Variants in PLEKHG4B observed in about 807,000 individuals in gnomAD.
PLEKHG4B encodes the protein pleckstrin homology domain-containing family G member 4B.
PLEKHG4B carries 111 observed loss-of-function variants against 121.3 expected under a neutral mutation model. The ratio of observed to expected loss-of-function variants is 0.92; its 90% CI spans 0.78 to 1.07. PLEKHG4B has a LOEUF of 1.07. Among genes scored for constraint, PLEKHG4B ranks in the 50% least tolerant of loss-of-function variants. The pLI, the probability that PLEKHG4B is intolerant of heterozygous loss-of-function variation, is 0.00. For synonymous variants in PLEKHG4B, 738 were observed against 725.0 expected (o/e 1.02, Z -0.29); for missense variants, 1,831 against 1,757.8 (o/e 1.04, Z -0.74).
In PLEKHG4B at chr5:183,952, G is replaced by C. The variant is rs1733514012; in HGVS notation, c.*1629G>C. 1 of 151,560 alleles carries C rather than the reference G, an allele frequency of 6.6e-6. No individual in the cohort carries two copies. The highest frequency in any genetic ancestry group is 1.5e-5 in the Non-Finnish European group (1 of 67,976). 9.4% of individuals were successfully genotyped at this position (151,560 alleles called of 1,614,324 possible). A position where few individuals can be genotyped will look rare whatever the true frequency, so the allele number is the denominator to read the frequency against. ...AGAGAGACAGAACCAATAGGAGATA[G>C]CTAGATATATATACAGACAGATAGA... On this transcript the variant is annotated 3_prime_UTR_variant, in exon 20 of 20. Coordinates refer to ENST00000637938, the MANE Select transcript of PLEKHG4B (RefSeq NM_052909.5).
At chr5:133,941 C>CACACACACACATATAT (rs34900477) in intron 2 of PLEKHG4B, among the ~76,000 whole-genome samples, 2 of 146,288 alleles carry the variant, frequency 1.4e-5, no homozygotes, top group African/African-American at 5.1e-5. Flanking sequence ...CACACACACA[C>CACACACACACATATAT]ATATATATAT....
At chr5:115,615 C>A (rs555608280) in intron 2 of PLEKHG4B, among the ~76,000 whole-genome samples, 1 of 152,384 alleles carries the variant, frequency 6.6e-6, no homozygotes, top group Non-Finnish European at 1.5e-5. Context: ...CCACCTTCAT[C>A]AATGGTCTTA....
intron 18 of PLEKHG4B, among the ~76,000 whole-genome samples, chr5:177,704 G>A (rs1254241751): frequency 6.6e-6 from 1 of 152,224 alleles, no homozygotes; most frequent in East Asian, 1.9e-4. Context: ...GACCCAAGCG[G>A]GCACCGAGAT....
chr5:162,616 G>C, intron 12 of PLEKHG4B, 106 bp from the exon 13 acceptor site: 1 of 826,080 alleles, frequency 1.2e-6, no homozygotes, highest in Non-Finnish European at 1.7e-6. Flanking sequence ...CTGCTTTCTG[G>C]CCCCCTGGTC....
intron 13 of PLEKHG4B, among the ~76,000 whole-genome samples, chr5:164,563 A>ACGGGG (rs1736188978): frequency 9.8e-6 from 1 of 102,242 alleles, no homozygotes; most frequent in Non-Finnish European, 1.9e-5. Context: ...TAATGCTCTG[A>ACGGGG]CAGGGGGCGG....
chr5:161,053 C>T (rs190440609), intron 11 of PLEKHG4B, among the ~76,000 whole-genome samples: 56 of 152,346 alleles, frequency 3.7e-4, no homozygotes, highest in African/African-American at 1.3e-3. Context: ...GGCCTCTCAT[C>T]TCTGGGCATC....
Position 162,885 on chromosome 5 carries a change from C to T in PLEKHG4B, c.2813C>T (p.Ala938Val), listed in dbSNP as rs780993541. Residue 938 changes from alanine to valine, a missense_variant, in exon 13 of 20, where the codon GCA becomes GTA. Ala to Val is a moderately conservative substitution (Grantham distance 64). Coordinates refer to ENST00000637938, the MANE Select transcript of PLEKHG4B (RefSeq NM_052909.5). Reference protein sequence around the residue: ...LKPHALGKPWASQQDLWLQYP... With the variant: ...LKPHALGKPWVSQQDLWLQYP... Reference sequence around the variant, plus strand: ...CCTCATGCCCTGGGGAAACCGTGGGCATCACAGCAAGACCTGTGGCTGCAG... The same window carrying T: ...CCTCATGCCCTGGGGAAACCGTGGGTATCACAGCAAGACCTGTGGCTGCAG... The T allele has an allele frequency of 4.4e-5, 67 of 1,521,814 alleles. No individual in the cohort carries two copies. Among genetic ancestry groups the T allele is most frequent in the African/African-American group, 9.6e-5 (7 of 72,566 alleles). 94.3% of individuals were successfully genotyped at this position (1,521,814 alleles called of 1,614,324 possible).
chr5:181,703 C>A, intron 19 of PLEKHG4B, 28 bp downstream of exon 19: 1 of 1,601,774 alleles, frequency 6.2e-7, no homozygotes, highest in Non-Finnish European at 8.5e-7. Context: ...CGCCCTCACT[C>A]ACCCTGCAGA....
At position 163,557 on chromosome 5, in the gene PLEKHG4B, G is replaced by A; in HGVS notation, c.3476+9G>A. The A allele has an allele frequency of 6.4e-7, 1 of 1,566,816 alleles. No individual in the cohort carries two copies. The highest frequency in any genetic ancestry group is 8.6e-7 in the Non-Finnish European group (1 of 1,156,660). On this transcript the variant is annotated intron_variant, in intron 13 of 19. Transcript: ENST00000637938. ...AGGCAGCAGGTGGGCAGGTGAGGTG[G>A]ACGTCCCCCTCCTCTCGTCCTAGCA...
chr5:107,681 G>C (rs1443610753), intron 1 of PLEKHG4B, among the ~76,000 whole-genome samples: 1 of 152,228 alleles, frequency 6.6e-6, no homozygotes, highest in African/African-American at 2.4e-5. Context: ...TGGAGGACGG[G>C]GGTTGCCCTG....
chr5:147,514 C>T (rs1346790553), intron 6 of PLEKHG4B, among the ~76,000 whole-genome samples: 3 of 152,170 alleles, frequency 2.0e-5, no homozygotes, highest in Non-Finnish European at 4.4e-5. Context: ...AAACCTAAGG[C>T]AGTGACATCA....
intron 6 of PLEKHG4B, 37 bp from the exon 7 acceptor site, chr5:151,476 A>T (rs1735601104): frequency 7.2e-7 from 1 of 1,381,336 alleles, no homozygotes; most frequent in Non-Finnish European, 1.0e-6. Context: ...AAAAATTAGA[A>T]AGCTAATCAG....
chr5:98,426 T>G (rs13159094), intron 1 of PLEKHG4B, among the ~76,000 whole-genome samples: 1 of 22,262 alleles, frequency 4.5e-5, no homozygotes, highest in African/African-American at 2.3e-4. Flanking sequence ...TTACTGTAGC[T>G]TTTTTTTTTT....
rs1197517240 is a variant in PLEKHG4B at position 157,258 on chromosome 5, G to T, written c.2487+347G>T. The T allele has an allele frequency of 5.9e-6, 2 of 340,158 alleles. No individual in the cohort carries two copies. Among genetic ancestry groups the T allele is most frequent in the African/African-American group, 2.1e-5 (1 of 46,720 alleles). 21.1% of individuals were successfully genotyped at this position (340,158 alleles called of 1,614,324 possible). A position where few individuals can be genotyped will look rare whatever the true frequency, so the allele number is the denominator to read the frequency against. On this transcript the variant is annotated intron_variant, in intron 11 of 19. Coordinates refer to ENST00000637938, the MANE Select transcript of PLEKHG4B (RefSeq NM_052909.5). The surrounding 1 kb of genome is among the most constrained non-coding windows in gnomAD (Gnocchi z 4.6). ...TGCATGCGTACACAGTGACTGAGAAGCCGAGGTGAAACCGACACAGGTAGA... is the reference window on the plus strand; with the variant it reads ...TGCATGCGTACACAGTGACTGAGAATCCGAGGTGAAACCGACACAGGTAGA...
At chr5:163,723 C>T (rs1030099635) in intron 13 of PLEKHG4B, among the ~76,000 whole-genome samples, 175 bp downstream of exon 13, 2 of 152,318 alleles carry the variant, frequency 1.3e-5, no homozygotes, top group African/African-American at 4.8e-5. Flanking sequence ...TATGAGTTAC[C>T]TGCCCCCATG....
Position 147,722 on chromosome 5 carries a change from C to T in PLEKHG4B, c.1905+2802C>T, listed in dbSNP as rs151185217. On this transcript the variant is annotated intron_variant, in intron 6 of 19. Coordinates refer to ENST00000637938, the MANE Select transcript of PLEKHG4B (RefSeq NM_052909.5). Reference sequence around the variant, plus strand: ...TCAAAAGAAATTCATGTAGGAAATGCATCCTAACTCATTCTATGATGCCAG... The same window carrying T: ...TCAAAAGAAATTCATGTAGGAAATGTATCCTAACTCATTCTATGATGCCAG... Among the ~76,000 whole-genome samples the T allele has an allele frequency of 1.5e-4, 23 of 152,280 alleles. No individual in the cohort carries two copies. In the East Asian group the frequency reaches 3.9e-3, roughly 26 times the overall value.
intron 1 of PLEKHG4B, among the ~76,000 whole-genome samples, chr5:108,882 C>T (rs1448319781): frequency 6.6e-6 from 1 of 152,212 alleles, no homozygotes; most frequent in Admixed American, 6.5e-5. Context: ...ACTGCACAGA[C>T]AGGAAACCAG....
chr5:169,263 C>CTG, intron 13 of PLEKHG4B, 77 bp from the exon 14 acceptor site: 5 of 1,565,346 alleles, frequency 3.2e-6, no homozygotes, highest in Non-Finnish European at 4.3e-6. Context: ...TCATGTGTTT[C>CTG]TGTCTCAGGC....
intron 1 of PLEKHG4B, among the ~76,000 whole-genome samples, chr5:108,870 T>G (rs940928462): frequency 6.6e-6 from 1 of 152,204 alleles, no homozygotes; most frequent in African/African-American, 2.4e-5. Context: ...TGGTGGTTTC[T>G]GACTGCACAG....
Sources: gnomAD v4.1 joint callset for allele counts (sites outside exome capture counted in the v4.1 genomes callset) on GRCh38, gnomAD v4.1.1 for gene constraint, Gnocchi (gnomAD v3.1) non-coding constraint, MANE v1.5 for transcripts, NCBI Gene and HGNC (gene_info 2026-07-23, HGNC 2026-07-21) for gene names.